MYO1D: variants seen among roughly 807,000 people sequenced by gnomAD.
MYO1D encodes unconventional myosin-Id.
In MYO1D, 83 loss-of-function variants were observed where a neutral mutation model predicts 122.0. The observed-to-expected ratio is 0.68, with a 90% CI of 0.57 to 0.82. The LOEUF (loss-of-function observed/expected upper bound fraction) is 0.82. Among genes scored for constraint, MYO1D ranks in the 40% least tolerant of loss-of-function variants. The pLI is 0.00. For synonymous variants in MYO1D, 464 were observed against 446.9 expected (o/e 1.04, Z -0.48); for missense variants, 1,157 against 1,269.5 (o/e 0.91, Z 1.35).
chr17:32,709,146 G>A (rs1037154482), intron 16 of MYO1D, among the ~76,000 whole-genome samples: 1 of 152,168 alleles, frequency 6.6e-6, no homozygotes, highest in Non-Finnish European at 1.5e-5. Flanking sequence ...CGGGCACCAT[G>A]TAGAAAGAAA....
At chr17:32,503,781 C>G (rs1909403443) in intron 21 of MYO1D, among the ~76,000 whole-genome samples, 1 of 152,240 alleles carries the variant, frequency 6.6e-6, no homozygotes, top group Admixed American at 6.5e-5. Context: ...ACAACAGCTA[C>G]TGACTGGAGC....
chr17:32,864,617 G>A (rs1879576243), intron 1 of MYO1D, among the ~76,000 whole-genome samples: 1 of 147,400 alleles, frequency 6.8e-6, no homozygotes. Context: ...ATCTATTTTA[G>A]TGGTTTTTCC....
intron 11 of MYO1D, among the ~76,000 whole-genome samples, chr17:32,755,287 A>G (rs2151013024): frequency 6.6e-6 from 1 of 152,316 alleles, no homozygotes; most frequent in East Asian, 1.9e-4. Flanking sequence ...CTCCTGGATT[A>G]ACATGATTTT....
intron 21 of MYO1D, among the ~76,000 whole-genome samples, chr17:32,512,303 TAAA>T (rs370039550): frequency 8.4e-6 from 1 of 118,486 alleles, no homozygotes. Flanking sequence ...TCTTATCTCA[TAAA>T]AAAAAAAAAA....
At chr17:32,539,366 G>T (rs1324183215) in intron 21 of MYO1D, among the ~76,000 whole-genome samples, 2 of 150,084 alleles carry the variant, frequency 1.3e-5, no homozygotes, top group African/African-American at 4.9e-5. Context: ...CTTTCACTTT[G>T]ATTTTTTTAA....
intron 21 of MYO1D, among the ~76,000 whole-genome samples, chr17:32,506,888 G>A (rs1017925355): frequency 7.1e-4 from 108 of 152,320 alleles, no homozygotes; most frequent in South Asian, 2.1e-4. Context: ...GGGTGAGGTG[G>A]GAGGGTCACT....
At chr17:32,794,225 T>C (rs769561571) in intron 1 of MYO1D, 1 of 152,090 alleles carries the variant, frequency 6.6e-6, no homozygotes, top group Non-Finnish European at 1.5e-5. Flanking sequence ...GGACCACAGG[T>C]GGTGGATTAA....
At chr17:32,867,873 T>C (rs1452940561) in intron 1 of MYO1D, among the ~76,000 whole-genome samples, 2 of 128,686 alleles carry the variant, frequency 1.6e-5, no homozygotes, top group Non-Finnish European at 3.3e-5. Context: ...ATGAAAAACA[T>C]ATAGGGTCTA....
chr17:32,632,794 T>G (rs892228968), intron 20 of MYO1D, among the ~76,000 whole-genome samples: 6 of 152,080 alleles, frequency 3.9e-5, no homozygotes, highest in Admixed American at 6.6e-5. Context: ...TTGTAATTTT[T>G]GGGTTCATAA....
intron 20 of MYO1D, among the ~76,000 whole-genome samples, chr17:32,622,570 C>T (rs547600770): frequency 1.3e-5 from 2 of 152,062 alleles, no homozygotes; most frequent in African/African-American, 4.8e-5. Context: ...TCTGAACAAG[C>T]CTTTTAAAGT....
At chr17:32,826,069 A>AT (rs1555546000) in intron 1 of MYO1D, among the ~76,000 whole-genome samples, 4 of 141,680 alleles carry the variant, frequency 2.8e-5, no homozygotes, top group African/African-American at 1.1e-4. Flanking sequence ...AAAAAAAAAA[A>AT]GTGTATTACT....
intron 1 of MYO1D, among the ~76,000 whole-genome samples, chr17:32,862,195 G>T (rs998654502): frequency 6.6e-6 from 1 of 152,164 alleles, no homozygotes; most frequent in Non-Finnish European, 1.5e-5. Context: ...ACTTGGACAC[G>T]TCATTTCCAT....
chr17:32,858,101 A>G (rs949613143), intron 1 of MYO1D, among the ~76,000 whole-genome samples: 38 of 152,200 alleles, frequency 2.5e-4, no homozygotes, highest in African/African-American at 9.2e-4. Flanking sequence ...CCTAGAATGT[A>G]TGACTTTAGA....
chr17:32,500,501 C>T (rs1011489501), intron 21 of MYO1D, among the ~76,000 whole-genome samples: 1 of 152,164 alleles, frequency 6.6e-6, no homozygotes, highest in East Asian at 1.9e-4. Flanking sequence ...TGGCACAGAC[C>T]TGGGCAGCCC....
intron 21 of MYO1D, among the ~76,000 whole-genome samples, chr17:32,574,636 G>GT (rs1367447669): frequency 6.6e-6 from 1 of 152,156 alleles, no homozygotes; most frequent in Middle Eastern, 3.2e-3. Flanking sequence ...GCTTATTGCT[G>GT]TATCTTTGGC....
At chr17:32,677,604 T>TAA (rs2088838525) in intron 16 of MYO1D, among the ~76,000 whole-genome samples, 1 of 58,678 alleles carries the variant, frequency 1.7e-5, no homozygotes, top group Non-Finnish European at 4.4e-5. Context: ...TATATATATA[T>TAA]ATATATATAT....
At chr17:32,578,182 T>C (rs770456207) in intron 21 of MYO1D, among the ~76,000 whole-genome samples, 1 of 152,262 alleles carries the variant, frequency 6.6e-6, no homozygotes, top group Non-Finnish European at 1.5e-5. Flanking sequence ...ATAAGTTATG[T>C]GGTAAAAATA....
At chr17:32,788,710 G>C (rs1325136210) in intron 1 of MYO1D, among the ~76,000 whole-genome samples, 1 of 151,944 alleles carries the variant, frequency 6.6e-6, no homozygotes, top group African/African-American at 2.4e-5. Context: ...TGGTTTTTTT[G>C]CTTAGTCTTG....
At chr17:32,727,313 T>C (rs1219499358) in intron 14 of MYO1D, among the ~76,000 whole-genome samples, 1 of 152,220 alleles carries the variant, frequency 6.6e-6, no homozygotes, top group Non-Finnish European at 1.5e-5. Flanking sequence ...AAAAGCCTCA[T>C]GCCCCACAGG....
Sources: allele counts gnomAD v4.1 joint callset (sites outside exome capture counted in the v4.1 genomes callset), GRCh38; gene constraint gnomAD v4.1.1; transcripts MANE v1.5; gene names NCBI Gene and HGNC (gene_info 2026-07-23, HGNC 2026-07-21).